The following FGGY variants were observed in gnomAD, a reference collection of about 807,000 sequenced individuals.
FGGY encodes the protein FGGY carbohydrate kinase domain containing.
A neutral mutation model predicts 71.3 loss-of-function variants in FGGY; 72 were observed. The ratio of observed to expected loss-of-function variants is 1.01; its 90% CI spans 0.84 to 1.23. The LOEUF (loss-of-function observed/expected upper bound fraction) is 1.23, where lower values mean the gene tolerates loss of function less well. Among genes scored for constraint, FGGY ranks in the 50% most tolerant of loss-of-function variants. The pLI is 0.00. For missense variants in FGGY, 668 were observed against 682.3 expected (o/e 0.98, Z 0.23); for synonymous variants, 251 against 250.3 (o/e 1.00, Z -0.02).
intron 5 of FGGY, among the ~76,000 whole-genome samples, chr1:59,428,544 C>T (rs903243955): frequency 2.6e-5 from 4 of 152,236 alleles, no homozygotes; most frequent in Non-Finnish European, 5.9e-5. Flanking sequence ...ATTAATGCCT[C>T]CTTGCCCAGT....
At chr1:59,495,478 G>T (rs191131829) in intron 6 of FGGY, among the ~76,000 whole-genome samples, 7 of 151,950 alleles carry the variant, frequency 4.6e-5, no homozygotes, top group Admixed American at 4.6e-4. Context: ...TTATATCTAA[G>T]TCTTTAATCT....
At chr1:59,710,319 T>C (rs1422274525) in intron 14 of FGGY, among the ~76,000 whole-genome samples, 1 of 152,218 alleles carries the variant, frequency 6.6e-6, no homozygotes, top group Non-Finnish European at 1.5e-5. Flanking sequence ...AAGATTTAAA[T>C]GTAAGACTTA....
At chr1:59,550,775 G>A (rs540304699) in intron 7 of FGGY, among the ~76,000 whole-genome samples, 2 of 152,246 alleles carry the variant, frequency 1.3e-5, no homozygotes, top group African/African-American at 2.4e-5. Flanking sequence ...TTTTCATTAT[G>A]TAAGACAATT....
At chr1:59,638,011 G>T (rs2096978969) in intron 10 of FGGY, among the ~76,000 whole-genome samples, 1 of 152,088 alleles carries the variant, frequency 6.6e-6, no homozygotes, top group Non-Finnish European at 1.5e-5. Flanking sequence ...GCCATTCCTG[G>T]ATCCAGTCTT....
At chr1:59,495,848 G>C (rs577507892) in intron 6 of FGGY, among the ~76,000 whole-genome samples, 1 of 152,228 alleles carries the variant, frequency 6.6e-6, no homozygotes, top group African/African-American at 2.4e-5. Flanking sequence ...CTATGTGTCT[G>C]TTATTGTACT....
At chr1:59,352,386 G>C (rs1570835596) in intron 4 of FGGY, among the ~76,000 whole-genome samples, 1 of 152,180 alleles carries the variant, frequency 6.6e-6, no homozygotes. Flanking sequence ...TGTCAGCAGA[G>C]CAGAAAGCTA....
intron 15 of FGGY, among the ~76,000 whole-genome samples, chr1:59,761,901 G>C (rs1300802321): frequency 6.6e-6 from 1 of 152,190 alleles, no homozygotes; most frequent in African/African-American, 2.4e-5. Context: ...CCTGGGGCTA[G>C]TTATATAGGA....
At chr1:59,761,401 C>G (rs1574124587) in intron 15 of FGGY, among the ~76,000 whole-genome samples, 1 of 152,190 alleles carries the variant, frequency 6.6e-6, no homozygotes, top group Admixed American at 6.5e-5. Context: ...CTTACAACCT[C>G]TCTCTGCCAA....
At chr1:59,408,463 A>T (rs767707399) in intron 5 of FGGY, among the ~76,000 whole-genome samples, 1 of 152,202 alleles carries the variant, frequency 6.6e-6, no homozygotes, top group Non-Finnish European at 1.5e-5. Context: ...CTTAAAAAAC[A>T]TAACAGCATT....
At chr1:59,341,698 A>T (rs1442506972) in intron 3 of FGGY, among the ~76,000 whole-genome samples, 2 of 152,188 alleles carry the variant, frequency 1.3e-5, no homozygotes, top group African/African-American at 2.4e-5. Context: ...CCATTTCAGA[A>T]AGCAGAGACC....
At chr1:59,525,371 C>A (rs926445297) in intron 7 of FGGY, among the ~76,000 whole-genome samples, 1 of 152,142 alleles carries the variant, frequency 6.6e-6, no homozygotes, top group Non-Finnish European at 1.5e-5. Flanking sequence ...AATACTCAGG[C>A]AGAAGATGCC....
In FGGY at chr1:59,402,123, C is replaced by T. The variant is rs539157964; in HGVS notation, c.554+23286C>T. ...AGCTAATGAGTTGGATATGTAGGGG[C>T]GAGTACAGTGGACAGGTGAAGTCAG... On this transcript the variant is annotated intron_variant, in intron 5 of 15. Transcript: ENST00000303721. Among the ~76,000 whole-genome samples the T allele has an allele frequency of 4.9e-4, 75 of 152,136 alleles. No homozygotes were observed. In the South Asian group the frequency reaches 0.013, roughly 26 times the overall value.
chr1:59,346,154 A>G, intron 3 of FGGY, 93 bp from the exon 4 acceptor site: 9 of 1,478,396 alleles, frequency 6.1e-6, no homozygotes, highest in Non-Finnish European at 8.3e-6. Flanking sequence ...TAGAAAGTAC[A>G]TAGCATTTTG....
intron 11 of FGGY, among the ~76,000 whole-genome samples, chr1:59,641,522 T>G (rs563162928): frequency 6.6e-6 from 1 of 152,322 alleles, no homozygotes; most frequent in East Asian, 1.9e-4. Flanking sequence ...TGTGTATGTG[T>G]GTGTATATAA....
chr1:59,760,131 TC>T (rs1427453046), intron 15 of FGGY, among the ~76,000 whole-genome samples: 1 of 152,058 alleles, frequency 6.6e-6, no homozygotes, highest in Non-Finnish European at 1.5e-5. Context: ...ACAACCCAAT[TC>T]AAAAGTGGGC....
At chr1:59,579,245 T>C (rs932474513) in intron 8 of FGGY, among the ~76,000 whole-genome samples, 1 of 152,070 alleles carries the variant, frequency 6.6e-6, no homozygotes, top group African/African-American at 2.4e-5. Context: ...CCATCACCAG[T>C]TTCTAAATTT....
intron 1 of FGGY, among the ~76,000 whole-genome samples, chr1:59,301,910 T>TC (rs2042816995): frequency 6.6e-6 from 1 of 150,862 alleles, no homozygotes; most frequent in South Asian, 2.1e-4. Flanking sequence ...TCTTTTTTTT[T>TC]TTTTTAAGTA....
chr1:59,708,843 T>C (rs1242274986), intron 14 of FGGY, among the ~76,000 whole-genome samples: 1 of 152,198 alleles, frequency 6.6e-6, no homozygotes, highest in Non-Finnish European at 1.5e-5. Flanking sequence ...AATGTCATGC[T>C]CAAAGGAAAT....
intron 12 of FGGY, among the ~76,000 whole-genome samples, chr1:59,664,857 T>C (rs569715761): frequency 1.3e-5 from 2 of 152,354 alleles, no homozygotes; most frequent in South Asian, 4.1e-4. Context: ...TAAGACCACA[T>C]TTTTAATTTT....
Sources: gnomAD v4.1 joint callset for allele counts (sites outside exome capture counted in the v4.1 genomes callset) on GRCh38, gnomAD v4.1.1 for gene constraint, MANE v1.5 for transcripts, NCBI Gene and HGNC (gene_info 2026-07-23, HGNC 2026-07-21) for gene names.